The following PRPH variants were observed in gnomAD, a reference collection of about 807,000 sequenced individuals.
The protein encoded by PRPH is neurofilament 4 (57kD).
Under a neutral mutation model 52.6 loss-of-function variants are expected in PRPH, and 48 were observed. The observed-to-expected ratio is 0.91, with a 90% CI of 0.72 to 1.16. The LOEUF (loss-of-function observed/expected upper bound fraction) is 1.16, where lower values mean the gene tolerates loss of function less well. PRPH is among the 50% of genes most tolerant of loss of function. The probability of loss-of-function intolerance (pLI) is 0.00; values close to 1 mark genes in which losing one functional copy is unlikely to be tolerated. For missense variants in PRPH, 579 were observed against 635.7 expected (o/e 0.91, Z 0.96); for synonymous variants, 279 against 283.8 (o/e 0.98, Z 0.17).
At position 49,296,221 on chromosome 12, in the gene PRPH, C is replaced by T. The variant is rs201461661; in HGVS notation, c.589C>T (p.Leu197Phe). 1 of 1,613,300 alleles carries T rather than the reference C, an allele frequency of 6.2e-7. No individual in the cohort carries two copies. Among genetic ancestry groups the T allele is most frequent in the African/African-American group, 1.3e-5 (1 of 75,056 alleles). The part of the protein sequence containing the change: ...TRKREDAEHN[L>F]VLFRKDVDDA... ...CAAGCGGGAGGACGCGGAGCACAAC[C>T]TCGTGCTCTTCCGCAAGGTGAGTCC... Residue 197 changes from leucine (L) to phenylalanine (F), a missense_variant, in exon 2 of 9, where the codon CTC becomes TTC. By Grantham distance (22) the Leu-to-Phe change is conservative (BLOSUM62 0). Transcript: ENST00000257860. This position sits in a 1 kb window ranked among gnomAD's most constrained non-coding sequence, Gnocchi z 5.1.
At position 49,298,057 on chromosome 12, in the gene PRPH, G is replaced by T. The variant is rs1178962808; in HGVS notation, c.1347+20G>T. The T allele has an allele frequency of 6.2e-7, 1 of 1,609,298 alleles. No homozygotes were observed. Among genetic ancestry groups the T allele is most frequent in the Non-Finnish European group, 8.5e-7 (1 of 1,175,684 alleles). ...GGGGAGGTGAGGCAGGTCCCCTAATGCCAGGACCCCACCATTTCCCATATT... is the reference window on the plus strand; with the variant it reads ...GGGGAGGTGAGGCAGGTCCCCTAATTCCAGGACCCCACCATTTCCCATATT... On this transcript the variant is annotated intron_variant, in intron 8 of 8. Coordinates refer to ENST00000257860, the MANE Select transcript of PRPH (RefSeq NM_006262.4).
At chr12:49,295,906 C>A (rs1555169900) in intron 1 of PRPH, 161 bp downstream of exon 1, 1 of 1,441,920 alleles carries the variant, frequency 6.9e-7, no homozygotes, top group Non-Finnish European at 9.1e-7. Context: ...TGCCCACGGG[C>A]TCCAAGTGCC....
At position 49,296,828 on chromosome 12, in the gene PRPH, A is replaced by C; in HGVS notation, c.703-61A>C. 4.5e-6 allele frequency: 7 copies of C among 1,562,498 alleles called. No homozygotes were observed. Among genetic ancestry groups the C allele is most frequent in the Non-Finnish European group, 5.2e-6 (6 of 1,153,358 alleles). On this transcript the variant is annotated intron_variant, in intron 3 of 8. Transcript: ENST00000257860. This position sits in a 1 kb window ranked among gnomAD's most constrained non-coding sequence, Gnocchi z 5.1. Reference sequence around the variant, plus strand: ...GCGTTTCTTCTCTTTTCTGTGCACGAACTGCGTGGCCCGCGTGGAATTTGC... The same window carrying C: ...GCGTTTCTTCTCTTTTCTGTGCACGCACTGCGTGGCCCGCGTGGAATTTGC...
At position 49,297,979 on chromosome 12, in the gene PRPH, A is replaced by C; in HGVS notation, c.1289A>C (p.Gln430Pro). Residue 430 changes from glutamine (Q) to proline (P), a missense_variant, in exon 8 of 9, where the codon CAG (glutamine) becomes CCG (proline). Physicochemically the swap from Gln to Pro is moderately conservative, Grantham distance 76. Coordinates refer to ENST00000257860, the MANE Select transcript of PRPH (RefSeq NM_006262.4). This position sits in a 1 kb window ranked among gnomAD's most constrained non-coding sequence, Gnocchi z 4.4. ...TCAGTGCCTGAGGTGGAGCCTCCCC[A>C]GGACAGCCACAGCCGGAAGACGGTT... ...KTTVPEVEPP[Q>P]DSHSRKTVLI... The C allele has an allele frequency of 6.2e-7, 1 of 1,614,140 alleles. No homozygotes were observed. Among genetic ancestry groups the C allele is most frequent in the Non-Finnish European group, 8.5e-7 (1 of 1,180,016 alleles).
Position 49,298,571 on chromosome 12 carries a change from C to T in PRPH, c.*218C>T, listed in dbSNP as rs1453804414. On this transcript the variant is annotated 3_prime_UTR_variant, in exon 9 of 9. Coordinates refer to ENST00000257860, the MANE Select transcript of PRPH (RefSeq NM_006262.4). ...CCTATGTGCTTCCCTTTTCATGTCC[C>T]GATAAGAAGCCAATGATCCCCCCTC... 4.9e-5 allele frequency: 28 copies of T among 572,912 alleles called. No homozygotes were observed. Among genetic ancestry groups the T allele is most frequent in the Admixed American group, 2.4e-4 (8 of 33,524 alleles). The allele number at this position is 572,912 out of a possible 1,614,324, so 35.5% of individuals were successfully genotyped here.
At chr12:49,295,916 C>T in intron 1 of PRPH, 171 bp downstream of exon 1, 2 of 1,441,214 alleles carry the variant, frequency 1.4e-6, no homozygotes, top group East Asian at 2.5e-5. Context: ...CTCCAAGTGC[C>T]CCCCGCTACC....
chr12:49,295,514 A>G lies in PRPH; in HGVS notation c.314A>G (p.Asn105Ser). ...SNEKQELQEL[N>S]DRFANFIEKV... ...GAGAAGCAGGAGCTGCAGGAGCTCA[A>G]CGACCGCTTCGCCAACTTCATCGAG... The change falls in exon 1 of 9, where the codon AAC (asparagine) becomes AGC (serine). Residue 105 changes from asparagine to serine, a missense_variant. Physicochemically the swap from Asn to Ser is conservative, Grantham distance 46. Coordinates refer to ENST00000257860, the MANE Select transcript of PRPH (RefSeq NM_006262.4). 1 of 1,605,132 alleles carries G rather than the reference A, an allele frequency of 6.2e-7. No homozygotes were observed.
rs1943213156 is a variant in PRPH at position 49,298,045 on chromosome 12, A to G, written c.1347+8A>G. 1 of 1,613,484 alleles carries G rather than the reference A, an allele frequency of 6.2e-7. No individual in the cohort carries two copies. The highest frequency in any genetic ancestry group is 8.5e-7 in the Non-Finnish European group (1 of 1,179,502). On this transcript the variant is annotated splice_region_variant and intron_variant, in intron 8 of 8. Transcript: ENST00000257860. Reference sequence around the variant, plus strand: ...GAGACCCGGAATGGGGAGGTGAGGCAGGTCCCCTAATGCCAGGACCCCACC... The same window carrying G: ...GAGACCCGGAATGGGGAGGTGAGGCGGGTCCCCTAATGCCAGGACCCCACC...
chr12:49,296,106 G>A lies in PRPH; in HGVS notation c.546-72G>A. On this transcript the variant is annotated intron_variant, in intron 1 of 8. Transcript: ENST00000257860. This position sits in a 1 kb window ranked among gnomAD's most constrained non-coding sequence, Gnocchi z 5.1. ...CAGAACAGCCTCTAACCGGATCCTG[G>A]GGGGCGTGCGGTCTGGGGTGCGAGC... 6.6e-7 allele frequency: 1 copy of A among 1,505,440 alleles called. No individual in the cohort carries two copies. The highest frequency in any genetic ancestry group is 9.1e-7 in the Non-Finnish European group (1 of 1,102,076). The allele number at this position is 1,505,440 out of a possible 1,614,324, so 93.3% of individuals were successfully genotyped here. A position where few individuals can be genotyped will look rare whatever the true frequency, so the allele number is the denominator to read the frequency against.
Position 49,295,221 on chromosome 12 carries a change from C to T in PRPH, c.21C>T (p.Gly7=). 1 of 1,611,644 alleles carries T rather than the reference C, an allele frequency of 6.2e-7. No individual in the cohort carries two copies. Among genetic ancestry groups the T allele is most frequent in the Non-Finnish European group, 8.5e-7 (1 of 1,179,602 alleles). The change falls in exon 1 of 9, where the codon GGC becomes GGT. Residue 7 remains glycine, a synonymous_variant. Coordinates refer to ENST00000257860, the MANE Select transcript of PRPH (RefSeq NM_006262.4). ...CCGCAATGAGCCACCACCCGTCGGG[C>T]CTCCGGGCCGGCTTCAGCTCCACCT... is the stretch of plus-strand genomic sequence containing the variant. The part of the protein sequence containing the change: MSHHPS[G]LRAGFSSTSY...
At position 49,297,498 on chromosome 12, in the gene PRPH, C is replaced by T. The variant is rs1461905306; in HGVS notation, c.1138C>T (p.Gln380Ter). 6.2e-6 allele frequency: 10 copies of T among 1,612,448 alleles called. No individual in the cohort carries two copies. The highest frequency in any genetic ancestry group is 7.6e-6 in the Non-Finnish European group (9 of 1,179,930). ...EEMARHLREY[Q>*]ELLNVKMALD... ...GATGGCGCGGCACCTGAGGGAGTAC[C>T]AGGAGCTCCTCAACGTCAAGATGGC... Residue 380 changes from glutamine to a stop codon, truncating the protein, a stop_gained, in exon 6 of 9, where the codon CAG (glutamine) becomes TAG (stop). Coordinates refer to ENST00000257860, the MANE Select transcript of PRPH (RefSeq NM_006262.4). LOFTEE classifies it high-confidence loss of function. The surrounding 1 kb of genome is among the most constrained non-coding windows in gnomAD (Gnocchi z 4.4).
rs141815346 is a variant in PRPH at position 49,295,289 on chromosome 12, G to C, written c.89G>C (p.Gly30Ala). Residue 30 changes from glycine to alanine, a missense_variant, in exon 1 of 9, where the codon GGG becomes GCG. Coordinates refer to ENST00000257860, the MANE Select transcript of PRPH (RefSeq NM_006262.4). ...TFGPPPSLSP[G>A]AFSYSSSSRF... ...GGTCCACCGCCCTCACTATCCCCCG[G>C]GGCCTTCTCCTACTCGTCCAGCTCC... 72 of 1,611,776 alleles carry C rather than the reference G, an allele frequency of 4.5e-5. 1 individual carries two copies. The South Asian group carries it at 7.4e-4, about 16-fold the overall frequency.
rs547436039 is a variant in PRPH at position 49,296,185 on chromosome 12, G to C, written c.553G>C (p.Glu185Gln). ...GCACGCTCTTCCCGTCAGGTTGGAG[G>C]AGGAGACGCGCAAGCGGGAGGACGC... ...DLAALKQRLE[E>Q]ETRKREDAEH... The change falls in exon 2 of 9, where the codon GAG (glutamate) becomes CAG (glutamine). Residue 185 changes from glutamate (E) to glutamine (Q), a missense_variant. Physicochemically the swap from Glu to Gln is conservative, Grantham distance 29. Transcript: ENST00000257860. The surrounding 1 kb of genome is among the most constrained non-coding windows in gnomAD (Gnocchi z 5.1). 1 of 1,612,350 alleles carries C rather than the reference G, an allele frequency of 6.2e-7. No individual in the cohort carries two copies. Among genetic ancestry groups the C allele is most frequent in the East Asian group, 2.2e-5 (1 of 44,876 alleles).
In PRPH at chr12:49,298,398, G is replaced by A. The variant is rs755999017; in HGVS notation, c.*45G>A. 6 of 1,601,546 alleles carry A rather than the reference G, an allele frequency of 3.7e-6. No homozygotes were observed. The South Asian group carries it at 4.4e-5, about 12-fold the overall frequency. On this transcript the variant is annotated 3_prime_UTR_variant, in exon 9 of 9. Coordinates refer to ENST00000257860, the MANE Select transcript of PRPH (RefSeq NM_006262.4). ...TGACTCTGCCCTAGGCCTGCTCAAA[G>A]CCCAAACCCTAAGACCACTCCTGAA...
chr12:49,295,420 C>T lies in PRPH; in HGVS notation c.220C>T (p.Pro74Ser). ...RAGAGALLRL[P>S]SERLDFSMAE... ...GGGAGCGGGCGCCCTCCTGCGCCTG[C>T]CCTCGGAGCGCCTCGACTTCTCCAT... Residue 74 changes from proline (P) to serine (S), a missense_variant, in exon 1 of 9, where the codon CCC becomes TCC. Coordinates refer to ENST00000257860, the MANE Select transcript of PRPH (RefSeq NM_006262.4). 1 of 1,605,088 alleles carries T rather than the reference C, an allele frequency of 6.2e-7. No homozygotes were observed.
Position 49,296,836 on chromosome 12 carries a change from G to A in PRPH, c.703-53G>A, listed in dbSNP as rs1214099148. ...TCTCTTTTCTGTGCACGAACTGCGT[G>A]GCCCGCGTGGAATTTGCGCCGCTGT... On this transcript the variant is annotated intron_variant, in intron 3 of 8. Transcript: ENST00000257860. This position sits in a 1 kb window ranked among gnomAD's most constrained non-coding sequence, Gnocchi z 5.1. The A allele has an allele frequency of 6.4e-7, 1 of 1,570,206 alleles. No homozygotes were observed.
Position 49,297,639 on chromosome 12 carries a change from G to C in PRPH, c.1218-38G>C, listed in dbSNP as rs1943205821. On this transcript the variant is annotated intron_variant, in intron 6 of 8. Coordinates refer to ENST00000257860, the MANE Select transcript of PRPH (RefSeq NM_006262.4). This position sits in a 1 kb window ranked among gnomAD's most constrained non-coding sequence, Gnocchi z 4.4. Reference sequence around the variant, plus strand: ...TCGGGACTGGGCCGGGCAGGGCGGGGCCTGGGCAGGGGCGCTGACAACTTG... The same window carrying C: ...TCGGGACTGGGCCGGGCAGGGCGGGCCCTGGGCAGGGGCGCTGACAACTTG... 7 of 1,612,520 alleles carry C rather than the reference G, an allele frequency of 4.3e-6. No individual in the cohort carries two copies. The East Asian group carries it at 1.6e-4, about 36-fold the overall frequency.
chr12:49,298,025 C>T lies in PRPH; in HGVS notation c.1335C>T (p.Thr445=). ...RKTVLIKTIE[T]RNGEVVTESQ... ...CGGTTCTGATCAAGACCATTGAGACCCGGAATGGGGAGGTGAGGCAGGTCC... is the reference window on the plus strand; with the variant it reads ...CGGTTCTGATCAAGACCATTGAGACTCGGAATGGGGAGGTGAGGCAGGTCC... The change falls in exon 8 of 9, where the codon ACC becomes ACT. Residue 445 remains threonine (T), a synonymous_variant. Coordinates refer to ENST00000257860, the MANE Select transcript of PRPH (RefSeq NM_006262.4). The T allele has an allele frequency of 3.7e-6, 6 of 1,614,160 alleles. No individual in the cohort carries two copies. The highest frequency in any genetic ancestry group is 1.1e-5 in the South Asian group (1 of 91,086).
In PRPH at chr12:49,297,803, G is replaced by A. The variant is rs752097389; in HGVS notation, c.1267+77G>A. ...GGGCTCTTGCTCTGGCTCACCTCAGGGATCTCTTCTCCCCACGGAACTTCT... is the reference window on the plus strand; with the variant it reads ...GGGCTCTTGCTCTGGCTCACCTCAGAGATCTCTTCTCCCCACGGAACTTCT... On this transcript the variant is annotated intron_variant, in intron 7 of 8. Coordinates refer to ENST00000257860, the MANE Select transcript of PRPH (RefSeq NM_006262.4). The surrounding 1 kb of genome is among the most constrained non-coding windows in gnomAD (Gnocchi z 4.4). 139 of 1,605,776 alleles carry A rather than the reference G, an allele frequency of 8.7e-5. No homozygotes were observed. Among genetic ancestry groups the A allele is most frequent in the Non-Finnish European group, 1.1e-4 (126 of 1,173,014 alleles).
Sources: gnomAD v4.1 joint callset for allele counts on GRCh38, gnomAD v4.1.1 for gene constraint, Gnocchi (gnomAD v3.1) non-coding constraint, MANE v1.5 for transcripts, NCBI Gene and HGNC (gene_info 2026-07-23, HGNC 2026-07-21) for gene names.